The following MOK variants were observed in gnomAD, a reference collection of about 807,000 sequenced individuals.
MOK encodes the protein MOK protein kinase.
MOK carries 59 observed loss-of-function variants against 54.2 expected under a neutral mutation model. The ratio of observed to expected loss-of-function variants is 1.09; its 90% CI spans 0.88 to 1.35. The LOEUF is 1.35. Among genes scored for constraint, MOK ranks in the 40% most tolerant of loss-of-function variants. MOK has a pLI of 0.00. For synonymous variants in MOK, 210 were observed against 202.7 expected (o/e 1.04, Z -0.31); for missense variants, 517 against 526.2 (o/e 0.98, Z 0.17).
At chr14:102,268,392 A>T (rs1567199203) in intron 2 of MOK, among the ~76,000 whole-genome samples, 1 of 152,160 alleles carries the variant, frequency 6.6e-6, no homozygotes, top group East Asian at 1.9e-4. Context: ...AATCTAAAAA[A>T]ACCTGGAAGT....
intron 7 of MOK, among the ~76,000 whole-genome samples, chr14:102,244,617 A>C (rs1419298887): frequency 1.3e-5 from 2 of 152,034 alleles, no homozygotes; most frequent in East Asian, 3.9e-4. Context: ...AATTGACTTT[A>C]CTCACATGCC....
intron 1 of MOK, among the ~76,000 whole-genome samples, chr14:102,297,709 G>A (rs1187817554): frequency 6.6e-6 from 1 of 152,164 alleles, no homozygotes; most frequent in Non-Finnish European, 1.5e-5. Flanking sequence ...GGGAACCGGG[G>A]CTGCACGTGG....
chr14:102,263,491 G>C (rs971203042), intron 4 of MOK, 55 bp downstream of exon 4: 6 of 1,264,038 alleles, frequency 4.7e-6, no homozygotes, highest in Admixed American at 4.2e-5. Flanking sequence ...AAGCATATAT[G>C]AATTACAAGC....
rs78767788 is a variant in MOK at position 102,265,241 on chromosome 14, T to C, written c.212+582A>G. ...AGGTCAAAATTCACACTCAAGACCT[T>C]AGCAGCCTAACTGAGCTCCAGGAGA... On this transcript the variant is annotated intron_variant, in intron 3 of 11. Coordinates refer to ENST00000361847, the MANE Select transcript of MOK (RefSeq NM_014226.3). Among the ~76,000 whole-genome samples the C allele has an allele frequency of 4.6e-3, 703 of 152,330 alleles. 6 individuals are homozygous for C. Among genetic ancestry groups the C allele is most frequent in the African/African-American group, 0.016 (652 of 41,566 alleles).
intron 7 of MOK, chr14:102,234,822 A>G (rs1313257431): frequency 6.6e-6 from 1 of 152,190 alleles, no homozygotes; most frequent in African/African-American, 2.4e-5. Context: ...GACTTAGACA[A>G]CTTTTGCCAC....
At chr14:102,285,001 C>G (rs1217084335) in intron 1 of MOK, among the ~76,000 whole-genome samples, 1 of 150,302 alleles carries the variant, frequency 6.7e-6, no homozygotes, top group Non-Finnish European at 1.5e-5. Context: ...GAGAATCCCT[C>G]GAACCCAGGA....
chr14:102,275,949 TA>T (rs2088126769), intron 2 of MOK, among the ~76,000 whole-genome samples: 1 of 152,204 alleles, frequency 6.6e-6, no homozygotes, highest in South Asian at 2.1e-4. Context: ...GCTTGTTTCT[TA>T]AGGTCTAAAT....
At chr14:102,299,115 G>T (rs1175134401) in intron 1 of MOK, among the ~76,000 whole-genome samples, 1 of 152,084 alleles carries the variant, frequency 6.6e-6, no homozygotes, top group Non-Finnish European at 1.5e-5. Context: ...CCCACCAACT[G>T]CGGACACACC....
chr14:102,278,535 C>T (rs1567216044), intron 2 of MOK: 1 of 399,626 alleles, frequency 2.5e-6, no homozygotes, highest in Non-Finnish European at 5.0e-6. Context: ...ACATGTAGAC[C>T]TGACGTTGGC....
intron 3 of MOK, 35 bp downstream of exon 3, chr14:102,265,788 A>C (rs773350968): frequency 6.6e-7 from 1 of 1,523,790 alleles, no homozygotes; most frequent in Non-Finnish European, 9.1e-7. Flanking sequence ...TTTTCATCAA[A>C]TTTAGATAAC....
rs763697006 is a variant in MOK, at chr14:102,229,333, G to T, written c.1216C>A (p.Gln406Lys). ...DPQKDLKPAP[Q>K]QCRLPTIVRK... ...ACTATGGTGGGCAGGCGACACTGCT[G>T]CGGGGCAGGCTTAAGGTCCTTCTGC... is the stretch of plus-strand genomic sequence containing the variant. Residue 406 changes from glutamine to lysine, a missense_variant, in exon 12 of 12, where the codon CAG (glutamine) becomes AAG (lysine). Coordinates refer to ENST00000361847, the MANE Select transcript of MOK (RefSeq NM_014226.3). 132 of 1,613,848 alleles carry T rather than the reference G, an allele frequency of 8.2e-5. No individual in the cohort carries two copies. Among genetic ancestry groups the T allele is most frequent in the Non-Finnish European group, 1.1e-4 (129 of 1,179,900 alleles).
At chr14:102,297,378 CAAAT>C (rs796155585) in intron 1 of MOK, among the ~76,000 whole-genome samples, 3 of 145,628 alleles carry the variant, frequency 2.1e-5, no homozygotes, top group Non-Finnish European at 3.0e-5. Flanking sequence ...ATAACAATAA[CAAAT>C]AAATAAACAA....
chr14:102,229,780 A>T, intron 10 of MOK, 123 bp from the exon 11 acceptor site: 1 of 878,370 alleles, frequency 1.1e-6, no homozygotes, highest in South Asian at 1.8e-5. Context: ...ATAAGATGTG[A>T]CTGGGACACA....
chr14:102,226,534 C>A, downstream of MOK: 1 of 684,490 alleles, frequency 1.5e-6, no homozygotes, highest in Non-Finnish European at 2.7e-6. This position sits in a 1 kb window ranked among gnomAD's most constrained non-coding sequence, Gnocchi z 4.8. Flanking sequence ...GGCAGCAGGG[C>A]AAGGTGGCCT....
intron 7 of MOK, among the ~76,000 whole-genome samples, chr14:102,244,551 C>G (rs1488406602): frequency 2.0e-5 from 3 of 152,134 alleles, no homozygotes; most frequent in Admixed American, 6.5e-5. Context: ...ATTGTTCAGG[C>G]CCCCTCCCTT....
intron 1 of MOK, among the ~76,000 whole-genome samples, chr14:102,287,820 ATTTTT>A (rs71116893): frequency 8.5e-6 from 1 of 117,926 alleles, no homozygotes; most frequent in Non-Finnish European, 1.7e-5. Flanking sequence ...GTTCTTTGAG[ATTTTT>A]TTTTTTTTTT....
chr14:102,299,546 T>C (rs2071916162), intron 1 of MOK, among the ~76,000 whole-genome samples: 1 of 151,864 alleles, frequency 6.6e-6, no homozygotes, highest in East Asian at 1.9e-4. Flanking sequence ...TCTGATACAA[T>C]AGCAAACTGT....
At chr14:102,273,843 C>T (rs145064401) in intron 2 of MOK, among the ~76,000 whole-genome samples, 4 of 152,214 alleles carry the variant, frequency 2.6e-5, no homozygotes, top group East Asian at 1.9e-4. Context: ...AATGGAGAGA[C>T]GGTTATACCA....
chr14:102,223,002 G>A (rs2153073691), downstream of MOK: 6 of 1,234,380 alleles, frequency 4.9e-6, no homozygotes, highest in South Asian at 1.3e-5. Context: ...GGACGTCGGC[G>A]ATAGCCGTGT....
Sources: gnomAD v4.1 joint callset for allele counts (sites outside exome capture counted in the v4.1 genomes callset) on GRCh38, gnomAD v4.1.1 for gene constraint, Gnocchi (gnomAD v3.1) non-coding constraint, MANE v1.5 for transcripts, NCBI Gene and HGNC (gene_info 2026-07-23, HGNC 2026-07-21) for gene names.